The following SEMA7A variants were observed in gnomAD, a reference collection of about 807,000 sequenced individuals.
SEMA7A encodes the protein semaphorin-7A.
SEMA7A carries 21 observed loss-of-function variants against 67.5 expected under a neutral mutation model. The ratio of observed to expected loss-of-function variants is 0.31; its 90% CI spans 0.22 to 0.45. The LOEUF (loss-of-function observed/expected upper bound fraction) is 0.45, where lower values mean the gene tolerates loss of function less well. SEMA7A is among the 20% of genes least tolerant of loss of function. The pLI is 1.00. For missense variants in SEMA7A, 774 were observed against 908.6 expected (o/e 0.85, Z 1.90); for synonymous variants, 364 against 368.5 (o/e 0.99, Z 0.14).
At position 74,415,827 on chromosome 15, in the gene SEMA7A, C is replaced by T. The variant is rs767692107; in HGVS notation, c.960G>A (p.Arg320=). The change falls in exon 8 of 14, where the codon AGG becomes AGA. Residue 320 remains arginine (R), a synonymous_variant. Coordinates refer to ENST00000261918, the MANE Select transcript of SEMA7A (RefSeq NM_003612.5). ...AGGGGTTGGAGAAAACACCATAGACCCTGGTGTCCCTCCACTGGCCGCTGG... is the reference window on the plus strand; with the variant it reads ...AGGGGTTGGAGAAAACACCATAGACTCTGGTGTCCCTCCACTGGCCGCTGG... ...PDPSGQWRDT[R]VYGVFSNPWN... 6.2e-7 allele frequency: 1 copy of T among 1,613,730 alleles called. No individual in the cohort carries two copies. The highest frequency in any genetic ancestry group is 8.5e-7 in the Non-Finnish European group (1 of 1,179,840).
In SEMA7A at chr15:74,411,048, C is replaced by T. The variant is rs1181681752; in HGVS notation, c.1640-63G>A. 1 of 1,554,714 alleles carries T rather than the reference C, an allele frequency of 6.4e-7. No homozygotes were observed. Among genetic ancestry groups the T allele is most frequent in the African/African-American group, 1.4e-5 (1 of 73,538 alleles). On this transcript the variant is annotated intron_variant, in intron 13 of 13. Transcript: ENST00000261918. This position sits in a 1 kb window ranked among gnomAD's most constrained non-coding sequence, Gnocchi z 4.4. ...AAAGAGCTCCCAGGGGAGGATGTGT[C>T]CTCCCCACGGACTGGGATCCCAGGA...
Position 74,411,053 on chromosome 15 carries a change from CCACGGA to C in SEMA7A, c.1640-74_1640-69del. The C allele has an allele frequency of 1.3e-6, 2 of 1,544,676 alleles. No homozygotes were observed. Among genetic ancestry groups the C allele is most frequent in the African/African-American group, 1.4e-5 (1 of 73,208 alleles). On this transcript the variant is annotated intron_variant, in intron 13 of 13. Transcript: ENST00000261918. This position sits in a 1 kb window ranked among gnomAD's most constrained non-coding sequence, Gnocchi z 4.4. The stretch of plus-strand genomic sequence containing the variant: ...GCTCCCAGGGGAGGATGTGTCCTCC[CCACGGA>C]CTGGGATCCCAGGACAAGGCTTCTG...
Position 74,411,497 on chromosome 15 carries a change from C to A in SEMA7A, c.1577+59G>T, listed in dbSNP as rs538934048. The A allele has an allele frequency of 1.2e-5, 19 of 1,544,922 alleles. No individual in the cohort carries two copies. The East Asian group carries it at 1.8e-4, about 15-fold the overall frequency. On this transcript the variant is annotated intron_variant, in intron 12 of 13. Transcript: ENST00000261918. The surrounding 1 kb of genome is among the most constrained non-coding windows in gnomAD (Gnocchi z 4.4). Reference sequence around the variant, plus strand: ...ACCGCCACCTCCTCCAGCCCGACAACACCTCCCCCTCTCCCATGCCCACCT... The same window carrying A: ...ACCGCCACCTCCTCCAGCCCGACAAAACCTCCCCCTCTCCCATGCCCACCT...
rs1314920345 is a variant in SEMA7A at position 74,423,902 on chromosome 15, G to A, written c.179-4950C>T. Among the ~76,000 whole-genome samples, 3 of 152,348 alleles carry A rather than the reference G, an allele frequency of 2.0e-5. No individual in the cohort carries two copies. The highest frequency in any genetic ancestry group is 4.1e-4 in the South Asian group (2 of 4,828). ...AAGGATAGGTCATGGTTGCAGGTGG[G>A]TCCTGGCAACTCTCAGGCAGGGTTA... On this transcript the variant is annotated intron_variant, in intron 1 of 13. Transcript: ENST00000261918. This position sits in a 1 kb window ranked among gnomAD's most constrained non-coding sequence, Gnocchi z 4.1.
chr15:74,415,630 T>C (rs1043252131), intron 8 of SEMA7A, among the ~76,000 whole-genome samples, 171 bp downstream of exon 8: 1 of 151,962 alleles, frequency 6.6e-6, no homozygotes, highest in Non-Finnish European at 1.5e-5. Flanking sequence ...CAACAGTACA[T>C]ACATCGCACT....
Position 74,414,577 on chromosome 15 carries a change from C to T in SEMA7A, c.1264G>A (p.Glu422Lys). 1.9e-6 allele frequency: 3 copies of T among 1,614,232 alleles called. No homozygotes were observed. Among genetic ancestry groups the T allele is most frequent in the Non-Finnish European group, 2.5e-6 (3 of 1,180,048 alleles). The change falls in exon 10 of 14, where the codon GAG (glutamate) becomes AAG (lysine). Residue 422 changes from glutamate (E) to lysine (K), a missense_variant. This residue lies in a region of SEMA7A where 427 missense variants were observed against 555.4 expected (regional missense o/e 0.77). Coordinates refer to ENST00000261918, the MANE Select transcript of SEMA7A (RefSeq NM_003612.5). This position sits in a 1 kb window ranked among gnomAD's most constrained non-coding sequence, Gnocchi z 4.1. ...GTTAGGTAAAGCACATGAAAGGTCT[C>T]CCCGTGGCTGGCTTGCATGCGGTGG... ...AVHRMQASHG[E>K]TFHVLYLTTD...
chr15:74,410,732 G>A lies in SEMA7A; in HGVS notation c.1893C>T (p.Pro631=), dbSNP rs769933156. The change falls in exon 14 of 14, where the codon CCC becomes CCT. Residue 631 remains proline (P), a synonymous_variant. Coordinates refer to ENST00000261918, the MANE Select transcript of SEMA7A (RefSeq NM_003612.5). The surrounding 1 kb of genome is among the most constrained non-coding windows in gnomAD (Gnocchi z 7.5). ...FREAQHWQLL[P]EDGIMAEHLL... is the part of the protein sequence containing the mutation. Reference sequence around the variant, plus strand: ...GGTGCTCGGCCATGATGCCGTCCTCGGGCAGCAGCTGCCAGTGCTGAGCCT... The same window carrying A: ...GGTGCTCGGCCATGATGCCGTCCTCAGGCAGCAGCTGCCAGTGCTGAGCCT... 19 of 1,613,764 alleles carry A rather than the reference G, an allele frequency of 1.2e-5. No homozygotes were observed. The highest frequency in any genetic ancestry group is 8.8e-5 in the South Asian group (8 of 91,080).
intron 1 of SEMA7A, chr15:74,427,412 C>A: frequency 1.0e-6 from 1 of 985,092 alleles, no homozygotes. Context: ...AGTGACCTTC[C>A]TTCCTCGACA....
rs926009012 is a variant in SEMA7A, at chr15:74,416,426, T to A, written c.801+149A>T. On this transcript the variant is annotated intron_variant, in intron 7 of 13. Transcript: ENST00000261918. ...CCACACACAGACACATGATGCTCCA[T>A]GCACACACAGCTGCTCCCACAGTCC... The A allele has an allele frequency of 8.8e-6, 7 of 795,644 alleles. No homozygotes were observed. In the Admixed American group the frequency reaches 1.3e-4, roughly 15 times the overall value. 49.3% of individuals were successfully genotyped at this position (795,644 alleles called of 1,614,324 possible). A position where few individuals can be genotyped will look rare whatever the true frequency, so the allele number is the denominator to read the frequency against.
intron 2 of SEMA7A, 89 bp from the exon 3 acceptor site, chr15:74,418,398 A>G (rs2060971084): frequency 7.8e-7 from 1 of 1,287,268 alleles, no homozygotes; most frequent in Non-Finnish European, 1.1e-6. Context: ...TAAGCCCCAA[A>G]GGAAGCAACC....
At chr15:74,413,416 C>G (rs972652266) in intron 10 of SEMA7A, among the ~76,000 whole-genome samples, 2 of 152,216 alleles carry the variant, frequency 1.3e-5, no homozygotes, top group African/African-American at 4.8e-5. Flanking sequence ...GACACCTTCT[C>G]TAATCACTCA....
Position 74,417,940 on chromosome 15 carries a change from C to G in SEMA7A, c.402G>C (p.Glu134Asp). 6.2e-7 allele frequency: 1 copy of G among 1,613,314 alleles called. No individual in the cohort carries two copies. Among genetic ancestry groups the G allele is most frequent in the Admixed American group, 1.7e-5 (1 of 60,034 alleles). The part of the protein sequence containing the change: ...RDCENYITLL[E>D]RRSEGLLACG... ...AGGCCAGCAGCCCCTCACTCCGCCT[C>G]TCCAGGAGAGTGATGTAGTTCTCGC... Residue 134 changes from glutamate (E) to aspartate (D), a missense_variant, in exon 4 of 14, where the codon GAG (glutamate) becomes GAC (aspartate). Transcript: ENST00000261918.
At chr15:74,428,238 G>T (rs2061058693) in intron 1 of SEMA7A, among the ~76,000 whole-genome samples, 1 of 152,242 alleles carries the variant, frequency 6.6e-6, no homozygotes, top group Non-Finnish European at 1.5e-5. Context: ...GGCGGGAAGA[G>T]TCTGGGCCCA....
intron 6 of SEMA7A, 46 bp from the exon 7 acceptor site, chr15:74,416,760 C>G: frequency 6.2e-7 from 1 of 1,600,168 alleles, no homozygotes; most frequent in South Asian, 1.1e-5. Context: ...GAAGCTTGCC[C>G]GGGAGACCAT....
At chr15:74,415,780 C>A (rs1191959321) in intron 8 of SEMA7A, 21 bp downstream of exon 8, 1 of 1,602,060 alleles carries the variant, frequency 6.2e-7, no homozygotes, top group East Asian at 2.2e-5. Context: ...CAGCCCCGGC[C>A]CCAGGACAAG....
At chr15:74,433,162 C>T (rs1332082079) in intron 1 of SEMA7A, among the ~76,000 whole-genome samples, 1 of 152,104 alleles carries the variant, frequency 6.6e-6, no homozygotes, top group Non-Finnish European at 1.5e-5. Context: ...GCACCATGTC[C>T]CGCCGCTCGC....
intron 10 of SEMA7A, 135 bp from the exon 11 acceptor site, chr15:74,412,147 A>G (rs2060907587): frequency 9.5e-7 from 1 of 1,054,068 alleles, no homozygotes; most frequent in Non-Finnish European, 1.4e-6. Flanking sequence ...GGGCGAGGAG[A>G]GCGTGACTGG....
Position 74,410,841 on chromosome 15 carries a change from T to A in SEMA7A, c.1784A>T (p.Asn595Ile). ...GAGGTTCTCGATGAACAGGATGCAGTTGGGGCTCTGGTGACCAGGTTCGCA... is the reference window on the plus strand; with the variant it reads ...GAGGTTCTCGATGAACAGGATGCAGATGGGGCTCTGGTGACCAGGTTCGCA... ...QSCEPGHQSP[N>I]CILFIENLTA... is the part of the protein sequence containing the mutation. The change falls in exon 14 of 14, where the codon AAC (asparagine) becomes ATC (isoleucine). Residue 595 changes from asparagine to isoleucine, a missense_variant. This residue lies in a region of SEMA7A where 427 missense variants were observed against 555.4 expected (regional missense o/e 0.77). Coordinates refer to ENST00000261918, the MANE Select transcript of SEMA7A (RefSeq NM_003612.5). The surrounding 1 kb of genome is among the most constrained non-coding windows in gnomAD (Gnocchi z 7.5). The A allele has an allele frequency of 1.9e-6, 3 of 1,614,170 alleles. No homozygotes were observed. The highest frequency in any genetic ancestry group is 1.7e-6 in the Non-Finnish European group (2 of 1,180,012).
chr15:74,422,067 G>A (rs1033178022), intron 1 of SEMA7A, among the ~76,000 whole-genome samples: 6 of 152,164 alleles, frequency 3.9e-5, no homozygotes, highest in African/African-American at 7.2e-5. Context: ...GAGGCCATGC[G>A]CTGCAGCCTG....
Sources: allele counts gnomAD v4.1 joint callset (sites outside exome capture counted in the v4.1 genomes callset), GRCh38; gene constraint gnomAD v4.1.1; regional missense constraint gnomAD v4.1.1; non-coding constraint Gnocchi (gnomAD v3.1); transcripts MANE v1.5; gene names NCBI Gene and HGNC (gene_info 2026-07-23, HGNC 2026-07-21).